SMIM14: variants seen among roughly 807,000 people sequenced by gnomAD.
SMIM14 encodes small integral membrane protein 14, also known as chromosome 4 open reading frame 34.
A neutral mutation model predicts 12.6 loss-of-function variants in SMIM14; 5 were observed. That is an observed-to-expected ratio of 0.40 (90% CI 0.21 to 0.83). SMIM14 has a LOEUF of 0.83. SMIM14 is among the 40% of genes least tolerant of loss of function. SMIM14 has a pLI of 0.37. For synonymous variants in SMIM14, 30 were observed against 40.1 expected, an observed-to-expected ratio of 0.75 and a Z score of 0.95; for missense variants, 86 against 119.1, an observed-to-expected ratio of 0.72 and a Z score of 1.29.
In SMIM14 at chr4:39,552,055, G is replaced by A; in HGVS notation, c.*71C>T. Reference sequence around the variant, plus strand: ...GGAAAAACAGTTCTAATGGGGTTAAGAGTACTCTGGTCATCTTCGTTCGTT... The same window carrying A: ...GGAAAAACAGTTCTAATGGGGTTAAAAGTACTCTGGTCATCTTCGTTCGTT... On this transcript the variant is annotated 3_prime_UTR_variant, in exon 5 of 5. Transcript: ENST00000295958. The A allele has an allele frequency of 1.6e-6, 2 of 1,284,876 alleles. No homozygotes were observed. Among genetic ancestry groups the A allele is most frequent in the Non-Finnish European group, 2.2e-6 (2 of 913,588 alleles). The allele number at this position is 1,284,876 out of a possible 1,614,324, so 79.6% of individuals were successfully genotyped here.
At chr4:39,581,014 A>G (rs991304148) in intron 2 of SMIM14, among the ~76,000 whole-genome samples, 8 of 152,182 alleles carry the variant, frequency 5.3e-5, no homozygotes, top group Non-Finnish European at 5.9e-5. Context: ...AGCTAATATC[A>G]CGTGCTTAAT....
intron 2 of SMIM14, chr4:39,589,832 G>A (rs1713969251): frequency 6.6e-6 from 1 of 151,838 alleles, no homozygotes; most frequent in Admixed American, 6.6e-5. Flanking sequence ...CACAAGGTCA[G>A]GAGTTCGAGA....
chr4:39,568,038 G>A (rs1211615938), intron 3 of SMIM14, among the ~76,000 whole-genome samples: 1 of 152,196 alleles, frequency 6.6e-6, no homozygotes, highest in Non-Finnish European at 1.5e-5. Context: ...AGCACTTTGG[G>A]AGGCGGAGGT....
chr4:39,605,518 C>T (rs1578351619), intron 1 of SMIM14, among the ~76,000 whole-genome samples: 1 of 152,052 alleles, frequency 6.6e-6, no homozygotes, highest in Non-Finnish European at 1.5e-5. Flanking sequence ...TTTAAACCAG[C>T]CTTTACCCTC....
chr4:39,547,599 ACT>A lies in SMIM14; in HGVS notation c.*4525_*4526del, dbSNP rs1411455281. The A allele has an allele frequency of 1.3e-5, 2 of 152,102 alleles. No homozygotes were observed. Among genetic ancestry groups the A allele is most frequent in the South Asian group, 2.1e-4 (1 of 4,808 alleles). 9.4% of individuals were successfully genotyped at this position (152,102 alleles called of 1,614,324 possible). A position where few individuals can be genotyped will look rare whatever the true frequency, so the allele number is the denominator to read the frequency against. On this transcript the variant is annotated 3_prime_UTR_variant, in exon 5 of 5. Transcript: ENST00000295958. Reference sequence around the variant, plus strand: ...AAAAATTTAACCCATTAAACTAGAAACTCTCTTCATTTTTCCTTCTTCAAATT... The same window carrying A: ...AAAAATTTAACCCATTAAACTAGAAACTCTTCATTTTTCCTTCTTCAAATT...
In SMIM14 at chr4:39,558,158, A is replaced by AT. The variant is rs755895627; in HGVS notation, c.125-1589dup. Among the ~76,000 whole-genome samples the AT allele has an allele frequency of 3.9e-5, 6 of 152,208 alleles. No homozygotes were observed. The highest frequency in any genetic ancestry group is 7.3e-5 in the Non-Finnish European group (5 of 68,042). ...CAAATTTCTAATAAATGAAACGTAG[A>AT]TTTTTTATTGAAGTATATTAGAGAA... On this transcript the variant is annotated intron_variant, in intron 3 of 4. Coordinates refer to ENST00000295958, the MANE Select transcript of SMIM14 (RefSeq NM_174921.3). This position sits in a 1 kb window ranked among gnomAD's most constrained non-coding sequence, Gnocchi z 4.3.
intron 3 of SMIM14, among the ~76,000 whole-genome samples, chr4:39,564,724 T>A (rs1359628612): frequency 6.6e-6 from 1 of 152,146 alleles, no homozygotes; most frequent in Admixed American, 6.6e-5. Context: ...AAGGGAAGCC[T>A]CACTAAGAAG....
At chr4:39,591,713 G>A (rs1349283778) in intron 2 of SMIM14, among the ~76,000 whole-genome samples, 1 of 151,562 alleles carries the variant, frequency 6.6e-6, no homozygotes, top group African/African-American at 2.4e-5. Flanking sequence ...CCACCACCAG[G>A]CCCAGCTAAT....
At chr4:39,630,948 T>C (rs760362457) in intron 1 of SMIM14, among the ~76,000 whole-genome samples, 1 of 151,282 alleles carries the variant, frequency 6.6e-6, no homozygotes, top group African/African-American at 2.4e-5. Flanking sequence ...AACAAACAGA[T>C]TTTAAAAGTC....
intron 1 of SMIM14, among the ~76,000 whole-genome samples, chr4:39,624,585 A>G (rs1264778610): frequency 1.3e-5 from 2 of 152,132 alleles, no homozygotes; most frequent in Admixed American, 1.3e-4. Context: ...GCATTTTGGG[A>G]GGCTGAGGCA....
intron 2 of SMIM14, among the ~76,000 whole-genome samples, chr4:39,601,083 G>A (rs984421592): frequency 6.6e-6 from 1 of 151,942 alleles, no homozygotes; most frequent in African/African-American, 2.4e-5. Flanking sequence ...GTAGTACATA[G>A]TATACTTTAT....
At chr4:39,572,381 A>G (rs369341511) in intron 3 of SMIM14, 34 bp downstream of exon 3, 294 of 1,518,492 alleles carry the variant, frequency 1.9e-4, no homozygotes, top group Non-Finnish European at 2.5e-4. Context: ...TCTGCCCCCA[A>G]TGCCATCCTT....
chr4:39,560,065 T>C (rs1340850500), intron 3 of SMIM14, among the ~76,000 whole-genome samples: 1 of 151,790 alleles, frequency 6.6e-6, no homozygotes, highest in African/African-American at 2.4e-5. Flanking sequence ...GAGGTTGCAG[T>C]GAGCTGTAAT....
chr4:39,592,424 A>T (rs946858767), intron 2 of SMIM14, among the ~76,000 whole-genome samples: 1 of 152,108 alleles, frequency 6.6e-6, no homozygotes, highest in Non-Finnish European at 1.5e-5. Flanking sequence ...TAAAACTTAT[A>T]TATAACCAGT....
intron 2 of SMIM14, among the ~76,000 whole-genome samples, chr4:39,583,072 G>A (rs1372767517): frequency 1.3e-5 from 2 of 151,970 alleles, no homozygotes; most frequent in African/African-American, 4.8e-5. Context: ...GATTACACGC[G>A]TGAGCCACCG....
intron 1 of SMIM14, among the ~76,000 whole-genome samples, chr4:39,617,138 T>G: frequency 6.6e-6 from 1 of 152,170 alleles, no homozygotes; most frequent in Non-Finnish European, 1.5e-5. Flanking sequence ...CAAAATTACA[T>G]ACATGTGTAA....
intron 1 of SMIM14, among the ~76,000 whole-genome samples, chr4:39,633,774 T>C (rs77700016): frequency 2.0e-4 from 30 of 152,340 alleles, no homozygotes; most frequent in African/African-American, 7.2e-4. Context: ...AGAACTCTGA[T>C]GATTGTATCA....
At chr4:39,622,688 C>T (rs1715549325) in intron 1 of SMIM14, among the ~76,000 whole-genome samples, 1 of 152,366 alleles carries the variant, frequency 6.6e-6, no homozygotes, top group Non-Finnish European at 1.5e-5. Flanking sequence ...GCATGAGTCA[C>T]CACGCCTGGC....
In SMIM14 at chr4:39,619,877, T is replaced by TATATATATA. The variant is rs1553866681; in HGVS notation, c.-35-14698_-35-14697insTATATATAT. Among the ~76,000 whole-genome samples, 30 of 80,472 alleles carry TATATATATA rather than the reference T, an allele frequency of 3.7e-4. 1 individual carries two copies. Among genetic ancestry groups the TATATATATA allele is most frequent in the African/African-American group, 1.1e-3 (25 of 22,976 alleles). 52.8% of individuals were successfully genotyped at this position (80,472 alleles called of 152,430 possible). A position where few individuals can be genotyped will look rare whatever the true frequency, so the allele number is the denominator to read the frequency against. On this transcript the variant is annotated intron_variant, in intron 1 of 4. Transcript: ENST00000295958. ...ATATATATTTATATATATATATATA[T>TATATATATA]TTTTTTTTTTTTAAGAGCAAGATAG... is the stretch of plus-strand genomic sequence containing the variant.
Sources: allele counts gnomAD v4.1 joint callset (sites outside exome capture counted in the v4.1 genomes callset), GRCh38; gene constraint gnomAD v4.1.1; non-coding constraint Gnocchi (gnomAD v3.1); transcripts MANE v1.5; gene names NCBI Gene and HGNC (gene_info 2026-07-23, HGNC 2026-07-21).